Variants in RAB30 observed in about 807,000 individuals in gnomAD.
RAB30 encodes ras-related protein Rab-30.
Under a neutral mutation model 25.1 loss-of-function variants are expected in RAB30, and 9 were observed. The observed-to-expected ratio is 0.36, with a 90% CI of 0.22 to 0.63. The LOEUF (loss-of-function observed/expected upper bound fraction) is 0.63. Among genes scored for constraint, RAB30 ranks in the 20% least tolerant of loss-of-function variants. The pLI is 0.69. For synonymous variants in RAB30, 77 were observed against 86.4 expected, an observed-to-expected ratio of 0.89 and a Z score of 0.60; for missense variants, 140 against 243.5, an observed-to-expected ratio of 0.58 and a Z score of 2.83.
intron 1 of RAB30, among the ~76,000 whole-genome samples, chr11:83,055,790 G>A (rs1338972305): frequency 6.6e-6 from 1 of 152,194 alleles, no homozygotes; most frequent in Non-Finnish European, 1.5e-5. Context: ...CTTCTACCAT[G>A]TGACCACACA....
chr11:83,029,739 A>G (rs930243260), intron 1 of RAB30, among the ~76,000 whole-genome samples: 1 of 152,170 alleles, frequency 6.6e-6, no homozygotes, highest in African/African-American at 2.4e-5. Context: ...ACACATCTAC[A>G]TGCATACTTG....
At chr11:83,043,573 A>G (rs1359799544) in intron 1 of RAB30, among the ~76,000 whole-genome samples, 2 of 152,188 alleles carry the variant, frequency 1.3e-5, no homozygotes, top group Non-Finnish European at 2.9e-5. Context: ...GAAGAAGAAT[A>G]TCCCCCTTAC....
intron 1 of RAB30, among the ~76,000 whole-genome samples, chr11:83,004,702 A>G (rs147338844): frequency 6.6e-6 from 1 of 152,146 alleles, no homozygotes; most frequent in African/African-American, 2.4e-5. Flanking sequence ...CTCCAAGTAT[A>G]TCCCCACATG....
chr11:83,030,259 G>A lies in RAB30; in HGVS notation c.-8-32935C>T, dbSNP rs530078059. ...TGCTTATAATCCCAGCATTTTGGGA[G>A]GCCAAAGCAGGAGGATCGCTTGAGA... On this transcript the variant is annotated intron_variant, in intron 1 of 4. Transcript: ENST00000527633. Among the ~76,000 whole-genome samples, 41 of 152,144 alleles carry A rather than the reference G, an allele frequency of 2.7e-4. No homozygotes were observed. The South Asian group carries it at 6.0e-3, about 22-fold the overall frequency.
At chr11:83,010,817 T>C (rs1487430542) in intron 1 of RAB30, among the ~76,000 whole-genome samples, 1 of 152,168 alleles carries the variant, frequency 6.6e-6, no homozygotes, top group Non-Finnish European at 1.5e-5. Flanking sequence ...ACCTCTTATC[T>C]AAAACAGTAA....
intron 1 of RAB30, among the ~76,000 whole-genome samples, chr11:83,043,416 C>T (rs1858171896): frequency 6.6e-6 from 1 of 152,134 alleles, no homozygotes; most frequent in South Asian, 2.1e-4. Context: ...ATTATGAGCA[C>T]TAATAAACTG....
At position 82,979,335 on chromosome 11, in the gene RAB30, CA is replaced by C. The variant is rs1856600720; in HGVS notation, c.*2829del. ...TCACACCAAAAATGGAGGAATACAT[CA>C]ACCCTGGTGGTCTTAGTAGACCGAG... On this transcript the variant is annotated 3_prime_UTR_variant, in exon 5 of 5. Coordinates refer to ENST00000527633, the MANE Select transcript of RAB30 (RefSeq NM_001286060.2). 1 of 152,154 alleles carries C rather than the reference CA, an allele frequency of 6.6e-6. No homozygotes were observed. Among genetic ancestry groups the C allele is most frequent in the Admixed American group, 6.5e-5 (1 of 15,272 alleles). 9.4% of individuals were successfully genotyped at this position (152,154 alleles called of 1,614,324 possible).
chr11:83,004,309 A>C (rs1294405030), intron 1 of RAB30, among the ~76,000 whole-genome samples: 1 of 152,230 alleles, frequency 6.6e-6, no homozygotes, highest in Non-Finnish European at 1.5e-5. Flanking sequence ...TCAGATGGTC[A>C]GATGTCAACA....
chr11:83,000,412 A>G, intron 1 of RAB30, among the ~76,000 whole-genome samples: 1 of 152,234 alleles, frequency 6.6e-6, no homozygotes, highest in Non-Finnish European at 1.5e-5. Context: ...AACTCCTGAT[A>G]AACACTCAGG....
intron 1 of RAB30, among the ~76,000 whole-genome samples, chr11:83,045,082 T>C (rs961582524): frequency 1.2e-4 from 19 of 152,184 alleles, no homozygotes; most frequent in Admixed American, 2.0e-4. Flanking sequence ...GCCTATCTCA[T>C]GAAAGGACTA....
intron 1 of RAB30, among the ~76,000 whole-genome samples, chr11:83,068,897 A>C (rs1858767701): frequency 6.6e-6 from 1 of 152,200 alleles, no homozygotes; most frequent in Non-Finnish European, 1.5e-5. Flanking sequence ...GGCATTCATC[A>C]CACTTGCAAT....
chr11:83,014,762 G>C (rs1304075517), intron 1 of RAB30, among the ~76,000 whole-genome samples: 1 of 149,700 alleles, frequency 6.7e-6, no homozygotes, highest in African/African-American at 2.5e-5. Context: ...ATGAAAGAGA[G>C]AGAAAGAAAG....
chr11:83,033,745 C>T (rs1049705053), intron 1 of RAB30, among the ~76,000 whole-genome samples: 1 of 152,012 alleles, frequency 6.6e-6, no homozygotes, highest in Non-Finnish European at 1.5e-5. Context: ...ATTAAGAAAA[C>T]AATAATAAAT....
At chr11:83,051,547 G>A (rs190698285) in intron 1 of RAB30, among the ~76,000 whole-genome samples, 106 of 152,234 alleles carry the variant, frequency 7.0e-4, no homozygotes, top group Middle Eastern at 6.8e-3. Flanking sequence ...AGTAAGCAAC[G>A]ATCCCTAAGT....
At chr11:82,997,061 T>G (rs908877337) in intron 2 of RAB30, among the ~76,000 whole-genome samples, 163 bp downstream of exon 2, 3 of 152,170 alleles carry the variant, frequency 2.0e-5, no homozygotes, top group Non-Finnish European at 4.4e-5. Flanking sequence ...ACCCCTTGTC[T>G]TGGCTACAAA....
chr11:83,047,951 C>T (rs544511307), intron 1 of RAB30, among the ~76,000 whole-genome samples: 1 of 152,130 alleles, frequency 6.6e-6, no homozygotes, highest in Non-Finnish European at 1.5e-5. Flanking sequence ...CTCCTTTCCT[C>T]TAAAGAAGCA....
chr11:83,032,467 C>T (rs1001833438), intron 1 of RAB30, among the ~76,000 whole-genome samples: 11 of 152,156 alleles, frequency 7.2e-5, no homozygotes, highest in Non-Finnish European at 1.5e-4. Flanking sequence ...AATGTTCCAT[C>T]TGATAAATTG....
intron 1 of RAB30, among the ~76,000 whole-genome samples, chr11:82,997,832 G>A (rs990353243): frequency 6.6e-6 from 1 of 152,132 alleles, no homozygotes; most frequent in Non-Finnish European, 1.5e-5. Context: ...AAGTCTTAGG[G>A]TCTTACAAAT....
intron 1 of RAB30, among the ~76,000 whole-genome samples, chr11:83,020,853 T>C (rs1322989537): frequency 1.3e-5 from 2 of 151,994 alleles, no homozygotes; most frequent in African/African-American, 2.4e-5. Flanking sequence ...ACTCACTTTA[T>C]GGCCTCCTCT....
Sources: allele counts gnomAD v4.1 joint callset (sites outside exome capture counted in the v4.1 genomes callset), GRCh38; gene constraint gnomAD v4.1.1; transcripts MANE v1.5; gene names NCBI Gene and HGNC (gene_info 2026-07-23, HGNC 2026-07-21).